Variants in COL11A2 observed in about 807,000 individuals in gnomAD.
COL11A2 encodes collagen type XI alpha 2 chain.
A neutral mutation model predicts 273.4 loss-of-function variants in COL11A2; 116 were observed. The ratio of observed to expected loss-of-function variants is 0.42; its 90% confidence interval spans 0.36 to 0.49. The LOEUF (loss-of-function observed/expected upper bound fraction) is 0.49. COL11A2 is among the 20% of genes least tolerant of loss of function. The pLI is 0.00. For missense variants in COL11A2, 1,866 were observed against 2,309.0 expected, an observed-to-expected ratio of 0.81 and a Z score of 3.93; for synonymous variants, 782 against 864.2, an observed-to-expected ratio of 0.90 and a Z score of 1.67.
At chr6:33,180,841 T>C (rs1771636198) in intron 10 of COL11A2, 111 bp from the exon 11 acceptor site, 7 of 1,555,388 alleles carry the variant, frequency 4.5e-6, no homozygotes, top group East Asian at 2.2e-5. Flanking sequence ...CTGGGAAGCG[T>C]TGATTGGAGG....
At chr6:33,191,615 C>T (rs1477373423) in intron 1 of COL11A2, among the ~76,000 whole-genome samples, 1 of 152,252 alleles carries the variant, frequency 6.6e-6, no homozygotes, top group African/African-American at 2.4e-5. Flanking sequence ...CAGTGCTCCC[C>T]AGAGCCAGCT....
In COL11A2 at chr6:33,176,828, A is replaced by G; in HGVS notation, c.2071-63T>C. 3.2e-6 allele frequency: 5 copies of G among 1,575,878 alleles called. No homozygotes were observed. The highest frequency in any genetic ancestry group is 4.3e-6 in the Non-Finnish European group (5 of 1,155,300). On this transcript the variant is annotated intron_variant, in intron 25 of 65. Coordinates refer to ENST00000341947, the MANE Select transcript of COL11A2 (RefSeq NM_080680.3). The surrounding 1 kb of genome is among the most constrained non-coding windows in gnomAD (Gnocchi z 4.9). ...TGTCACCCTCTCTGCACCCCTCCCT[A>G]CACTTCTTCCAACCCAAATTTCCTG...
chr6:33,179,214 T>C lies in COL11A2; in HGVS notation c.1557+17A>G, dbSNP rs751510096. The C allele has an allele frequency of 1.2e-6, 2 of 1,611,670 alleles. No homozygotes were observed. The highest frequency in any genetic ancestry group is 1.7e-6 in the Non-Finnish European group (2 of 1,179,282). On this transcript the variant is annotated intron_variant, in intron 15 of 65. Transcript: ENST00000341947. The surrounding 1 kb of genome is among the most constrained non-coding windows in gnomAD (Gnocchi z 6.4). ...CTGGTGAACAGATATGGGGGTGCAG[T>C]GGAGGAAAGTGGTCACCTGAGGTCC...
At position 33,170,785 on chromosome 6, in the gene COL11A2, GC is replaced by G; in HGVS notation, c.3474+24del. The G allele has an allele frequency of 6.2e-7, 1 of 1,608,924 alleles. No homozygotes were observed. Among genetic ancestry groups the G allele is most frequent in the Non-Finnish European group, 8.5e-7 (1 of 1,176,496 alleles). On this transcript the variant is annotated intron_variant, in intron 46 of 65. Coordinates refer to ENST00000341947, the MANE Select transcript of COL11A2 (RefSeq NM_080680.3). This position sits in a 1 kb window ranked among gnomAD's most constrained non-coding sequence, Gnocchi z 4.3. The stretch of plus-strand genomic sequence containing the variant: ...CACCCCATCCTGACCCCACCTCTCA[GC>G]CCCTGTCCTATCCCCCAACACACCT...
Position 33,189,368 on chromosome 6 carries a change from C to T in COL11A2, c.184G>A (p.Val62Met). 1 of 1,613,380 alleles carries T rather than the reference C, an allele frequency of 6.2e-7. No homozygotes were observed. Reference protein sequence around the residue: ...GICPADVAYRVARPAQLSAPT... With the variant: ...GICPADVAYRMARPAQLSAPT... ...GCACTGAGCTGGGCAGGTCGTGCCA[C>T]TCGGTAGGCCACATCAGCTGGACAG... is the stretch of plus-strand genomic sequence containing the variant. Residue 62 changes from valine to methionine, a missense_variant, in exon 2 of 66, where the codon GTG becomes ATG. Val to Met is a conservative substitution (Grantham distance 21). Transcript: ENST00000341947. This position sits in a 1 kb window ranked among gnomAD's most constrained non-coding sequence, Gnocchi z 5.6.
At position 33,172,064 on chromosome 6, in the gene COL11A2, G is replaced by T. The variant is rs1770166863; in HGVS notation, c.3028C>A (p.Pro1010Thr). 1 of 1,612,896 alleles carries T rather than the reference G, an allele frequency of 6.2e-7. No individual in the cohort carries two copies. Among genetic ancestry groups the T allele is most frequent in the Non-Finnish European group, 8.5e-7 (1 of 1,180,022 alleles). The change falls in exon 41 of 66, where the codon CCC becomes ACC. Residue 1010 changes from proline (P) to threonine (T), a missense_variant. By Grantham distance (38) the Pro-to-Thr change is conservative. Transcript: ENST00000341947. Reference sequence around the variant, plus strand: ...CCCAGACTCACTGCAGGGCCAGGGGGGCCAGACGGACCTTCATTCCCCTTC... The same window carrying T: ...CCCAGACTCACTGCAGGGCCAGGGGTGCCAGACGGACCTTCATTCCCCTTC... ...GLKGNEGPSGPPGPAGSPGER... is the reference protein window; with the variant it reads ...GLKGNEGPSGTPGPAGSPGER...
chr6:33,171,358 A>T lies in COL11A2; in HGVS notation c.3259-34T>A, dbSNP rs774168331. 7 of 1,613,870 alleles carry T rather than the reference A, an allele frequency of 4.3e-6. No individual in the cohort carries two copies. The South Asian group carries it at 7.7e-5, about 18-fold the overall frequency. The stretch of plus-strand genomic sequence containing the variant: ...AGAAGGCAGACAAGATATTAGAGAA[A>T]GGTGATGGGTAGAGTGGGAAGGATG... On this transcript the variant is annotated intron_variant, in intron 43 of 65. Transcript: ENST00000341947.
At chr6:33,172,693 A>AGGGTGGGCTCTTCTG in intron 38 of COL11A2, 56 bp from the exon 39 acceptor site, 1 of 1,489,498 alleles carries the variant, frequency 6.7e-7, no homozygotes, top group Non-Finnish European at 9.3e-7. Context: ...GCTGTCTGCC[A>AGGGTGGGCTCTTCTG]GAAGAGCCCA....
rs755731113 is a variant in COL11A2 at position 33,179,766 on chromosome 6, C to T, written c.1399G>A (p.Val467Met). 36 of 1,611,998 alleles carry T rather than the reference C, an allele frequency of 2.2e-5. No individual in the cohort carries two copies. Among genetic ancestry groups the T allele is most frequent in the Admixed American group, 2.0e-4 (12 of 60,012 alleles). ...GSGGGDKGPV[V>M]AAQEAQAQAI... ...TGGGCCTGAGCCTCCTGGGCCGCCA[C>T]CACAGGGCCCTTGTCACCCCCACCA... The change falls in exon 13 of 66, where the codon GTG becomes ATG. Residue 467 changes from valine (V) to methionine (M), a missense_variant. Val to Met is a conservative substitution (Grantham distance 21). Coordinates refer to ENST00000341947, the MANE Select transcript of COL11A2 (RefSeq NM_080680.3). The surrounding 1 kb of genome is among the most constrained non-coding windows in gnomAD (Gnocchi z 6.4).
In COL11A2 at chr6:33,176,722, T is replaced by C; in HGVS notation, c.2114A>G (p.Gln705Arg). 2.5e-6 allele frequency: 4 copies of C among 1,613,094 alleles called. No individual in the cohort carries two copies. The highest frequency in any genetic ancestry group is 2.2e-5 in the South Asian group (2 of 90,762). The change falls in exon 26 of 66, where the codon CAG becomes CGG. Residue 705 changes from glutamine (Q) to arginine (R), a missense_variant and splice_region_variant. Physicochemically the swap from Gln to Arg is conservative, Grantham distance 43. Coordinates refer to ENST00000341947, the MANE Select transcript of COL11A2 (RefSeq NM_080680.3). The surrounding 1 kb of genome is among the most constrained non-coding windows in gnomAD (Gnocchi z 4.9). Reference sequence around the variant, plus strand: ...GGATAAAGACATGGAAGATCTCACCTGGTTTCCTTTGGTTCCAGGGGGACC... The same window carrying C: ...GGATAAAGACATGGAAGATCTCACCCGGTTTCCTTTGGTTCCAGGGGGACC... ...KEGPPGTKGNQGPSGPQGPLG... is the reference protein window; with the variant it reads ...KEGPPGTKGNRGPSGPQGPLG...
At position 33,163,542 on chromosome 6, in the gene COL11A2, C is replaced by A; in HGVS notation, c.*136G>T. 1 of 1,417,262 alleles carries A rather than the reference C, an allele frequency of 7.1e-7. No homozygotes were observed. Among genetic ancestry groups the A allele is most frequent in the South Asian group, 1.2e-5 (1 of 84,234 alleles). 87.8% of individuals were successfully genotyped at this position (1,417,262 alleles called of 1,614,324 possible). On this transcript the variant is annotated 3_prime_UTR_variant, in exon 66 of 66. Coordinates refer to ENST00000341947, the MANE Select transcript of COL11A2 (RefSeq NM_080680.3). The surrounding 1 kb of genome is among the most constrained non-coding windows in gnomAD (Gnocchi z 4.1). ...ACTTCACCCCTCCCCTGGCCTGCCC[C>A]GACTGAGGGCTCTCCACGCCCTGGC...
chr6:33,178,411 C>G lies in COL11A2; in HGVS notation c.1773+24G>C. ...CTTCTAGACCTCCCCTGCACCCAGC[C>G]CCTACATTTGCCACTACACTTACCC... is the stretch of plus-strand genomic sequence containing the variant. On this transcript the variant is annotated intron_variant, in intron 19 of 65. Coordinates refer to ENST00000341947, the MANE Select transcript of COL11A2 (RefSeq NM_080680.3). The surrounding 1 kb of genome is among the most constrained non-coding windows in gnomAD (Gnocchi z 4.6). 2 of 1,612,966 alleles carry G rather than the reference C, an allele frequency of 1.2e-6. No homozygotes were observed. Among genetic ancestry groups the G allele is most frequent in the Non-Finnish European group, 1.7e-6 (2 of 1,179,984 alleles).
rs1447537868 is a variant in COL11A2 at position 33,179,683 on chromosome 6, A to C, written c.1446+36T>G. ...CCAGCCAACCCTTCCAGTGCCCCCCAGAGCCTTCCCTTTCCAGGGAAGCAG... is the reference window on the plus strand; with the variant it reads ...CCAGCCAACCCTTCCAGTGCCCCCCCGAGCCTTCCCTTTCCAGGGAAGCAG... On this transcript the variant is annotated intron_variant, in intron 13 of 65. Transcript: ENST00000341947. The surrounding 1 kb of genome is among the most constrained non-coding windows in gnomAD (Gnocchi z 6.4). 1.2e-6 allele frequency: 2 copies of C among 1,607,708 alleles called. No individual in the cohort carries two copies. Among genetic ancestry groups the C allele is most frequent in the Admixed American group, 1.7e-5 (1 of 59,968 alleles).
At chr6:33,186,462 T>A in intron 5 of COL11A2, 165 bp downstream of exon 5, 1 of 1,459,574 alleles carries the variant, frequency 6.9e-7, no homozygotes, top group Non-Finnish European at 9.0e-7. Flanking sequence ...TAACAACTCT[T>A]TTTATTTTTA....
chr6:33,175,833 G>A, intron 29 of COL11A2, 152 bp from the exon 30 acceptor site: 1 of 1,078,830 alleles, frequency 9.3e-7, no homozygotes, highest in Non-Finnish European at 1.4e-6. Context: ...ATAGTGTAGT[G>A]ATGGGAGGGC....
In COL11A2 at chr6:33,176,160, CG is replaced by C; in HGVS notation, c.2215-92del. 7 of 1,605,752 alleles carry C rather than the reference CG, an allele frequency of 4.4e-6. No homozygotes were observed. The South Asian group carries it at 6.6e-5, about 15-fold the overall frequency. On this transcript the variant is annotated intron_variant, in intron 28 of 65. Transcript: ENST00000341947. This position sits in a 1 kb window ranked among gnomAD's most constrained non-coding sequence, Gnocchi z 4.9. Reference sequence around the variant, plus strand: ...GAGAACATAGGTGGAAGCAGGGGCTCGGGAGCTGGACGGCAGTGCGGGGCAG... The same window carrying C: ...GAGAACATAGGTGGAAGCAGGGGCTCGGAGCTGGACGGCAGTGCGGGGCAG...
intron 4 of COL11A2, 119 bp downstream of exon 4, chr6:33,188,243 T>C: frequency 4.8e-6 from 6 of 1,244,528 alleles, no homozygotes; most frequent in Non-Finnish European, 7.1e-6. Context: ...GAAATGAAAA[T>C]TCATAAGAAA....
Position 33,176,976 on chromosome 6 carries a change from G to C in COL11A2, c.2070+16C>G. The stretch of plus-strand genomic sequence containing the variant: ...AGGCCAAGGGGAACTGGATTCGGAA[G>C]TGGGGTCCCACTCACCGGGGGTCCG... On this transcript the variant is annotated intron_variant, in intron 25 of 65. Transcript: ENST00000341947. The surrounding 1 kb of genome is among the most constrained non-coding windows in gnomAD (Gnocchi z 4.9). 6.2e-7 allele frequency: 1 copy of C among 1,609,092 alleles called. No homozygotes were observed. Among genetic ancestry groups the C allele is most frequent in the South Asian group, 1.1e-5 (1 of 90,176 alleles).
rs1172122244 is a variant in COL11A2, at chr6:33,176,501, A to T, written c.2116-15T>A. On this transcript the variant is annotated splice_polypyrimidine_tract_variant and intron_variant, in intron 26 of 65. Coordinates refer to ENST00000341947, the MANE Select transcript of COL11A2 (RefSeq NM_080680.3). The surrounding 1 kb of genome is among the most constrained non-coding windows in gnomAD (Gnocchi z 4.9). ...CCAGAGGGACCCTGGAAGATAAAAGAGAGGCATTTATAAAGGGGCCTCAGA... is the reference window on the plus strand; with the variant it reads ...CCAGAGGGACCCTGGAAGATAAAAGTGAGGCATTTATAAAGGGGCCTCAGA... 6.2e-7 allele frequency: 1 copy of T among 1,610,884 alleles called. No homozygotes were observed. Among genetic ancestry groups the T allele is most frequent in the Non-Finnish European group, 8.5e-7 (1 of 1,178,278 alleles).
Sources: allele counts gnomAD v4.1 joint callset (sites outside exome capture counted in the v4.1 genomes callset), GRCh38; gene constraint gnomAD v4.1.1; non-coding constraint Gnocchi (gnomAD v3.1); transcripts MANE v1.5; gene names NCBI Gene and HGNC (gene_info 2026-07-23, HGNC 2026-07-21).